DST: variants seen among roughly 807,000 people sequenced by gnomAD.
The protein encoded by DST is dystonin.
Under a neutral mutation model 875.2 loss-of-function variants are expected in DST, and 253 were observed. The observed-to-expected ratio is 0.29, with a 90% CI of 0.26 to 0.32. DST has a LOEUF of 0.32. Ranked by LOEUF, DST falls within the 10% of genes least tolerant of loss-of-function variation. The pLI is 1.00. For missense variants in DST, 8,287 were observed against 9,111.6 expected (o/e 0.91, Z 3.68); for synonymous variants, 3,124 against 3,197.1 (o/e 0.98, Z 0.77).
In DST at chr6:56,605,824, C is replaced by T. The variant is rs879102427; in HGVS notation, c.8804G>A (p.Gly2935Asp). Residue 2935 changes from glycine to aspartate, a missense_variant, in exon 40 of 104, where the codon GGC becomes GAC. Gly to Asp is a moderately conservative substitution (Grantham distance 94, BLOSUM62 -1). Coordinates refer to ENST00000680361, the MANE Select transcript of DST (RefSeq NM_001374736.1). ...ATTATCATGTGAAATACTTGCAGGGCCAAAAGTTTTTTCAGATTCAGTGTC... is the reference window on the plus strand; with the variant it reads ...ATTATCATGTGAAATACTTGCAGGGTCAAAAGTTTTTTCAGATTCAGTGTC... ...IKDTESEKTF[G>D]PASISHDNNN... 2 of 1,612,308 alleles carry T rather than the reference C, an allele frequency of 1.2e-6. No homozygotes were observed. Among genetic ancestry groups the T allele is most frequent in the Middle Eastern group, 1.7e-4 (1 of 6,048 alleles).
At chr6:56,525,022 T>C (rs2096772839) in intron 69 of DST, among the ~76,000 whole-genome samples, 1 of 152,118 alleles carries the variant, frequency 6.6e-6, no homozygotes, top group Non-Finnish European at 1.5e-5. Flanking sequence ...TTGAAGAACC[T>C]GGCCACAGTT....
At position 56,797,483 on chromosome 6, in the gene DST, C is replaced by A. The variant is rs149438750; in HGVS notation, c.625+53914G>T. The stretch of plus-strand genomic sequence containing the variant: ...AACGGGCCAAAAGCAAGGCCTCTTG[C>A]TCCAAATAACTAGCCAAGTTGTAAA... On this transcript the variant is annotated intron_variant, in intron 4 of 103. Transcript: ENST00000680361. Among the ~76,000 whole-genome samples the A allele has an allele frequency of 6.7e-3, 1,023 of 152,266 alleles. 33 individuals are homozygous for A. The highest frequency in any genetic ancestry group is 0.056 in the Admixed American group (860 of 15,290).
intron 3 of DST, among the ~76,000 whole-genome samples, chr6:56,894,972 A>G (rs1407757579): frequency 4.7e-4 from 35 of 74,870 alleles, no homozygotes; most frequent in East Asian, 7.8e-4. Flanking sequence ...GCGGCTGGCC[A>G]GGCGGGGGGC....
intron 68 of DST, among the ~76,000 whole-genome samples, chr6:56,527,148 C>A (rs62412508): frequency 1.3e-5 from 2 of 152,242 alleles, no homozygotes; most frequent in South Asian, 4.1e-4. Context: ...AGAAAACCCA[C>A]CCCATGTTAT....
In DST at chr6:56,627,946, A is replaced by G; in HGVS notation, c.4638+53T>C. 3.9e-6 allele frequency: 6 copies of G among 1,524,958 alleles called. No individual in the cohort carries two copies. The East Asian group carries it at 1.1e-4, about 29-fold the overall frequency. 94.5% of individuals were successfully genotyped at this position (1,524,958 alleles called of 1,614,324 possible). A position where few individuals can be genotyped will look rare whatever the true frequency, so the allele number is the denominator to read the frequency against. ...AACATAGGAAAGGAAGATGAGGAGC[A>G]TGACTGACCAAATGCAGACATAACC... is the stretch of plus-strand genomic sequence containing the variant. On this transcript the variant is annotated intron_variant, in intron 33 of 103. Coordinates refer to ENST00000680361, the MANE Select transcript of DST (RefSeq NM_001374736.1).
intron 101 of DST, among the ~76,000 whole-genome samples, 164 bp from the exon 102 acceptor site, chr6:56,463,320 G>A (rs1046964327): frequency 3.3e-5 from 5 of 152,098 alleles, no homozygotes; most frequent in Admixed American, 6.6e-5. Context: ...AAAAATGAAT[G>A]AAGCTTTAAA....
At chr6:56,615,197 T>G (rs909061008) in intron 36 of DST, 25 of 1,158,972 alleles carry the variant, frequency 2.2e-5, no homozygotes, top group Admixed American at 1.7e-4. Context: ...TGAAGGGGAG[T>G]TCTGAAGAAA....
intron 4 of DST, among the ~76,000 whole-genome samples, chr6:56,783,107 GTT>G (rs2099697607): frequency 6.6e-6 from 1 of 152,066 alleles, no homozygotes; most frequent in Non-Finnish European, 1.5e-5. Flanking sequence ...TATAATTTCT[GTT>G]CTTTTACATT....
Position 56,492,842 on chromosome 6 carries a change from T to C in DST, c.20550+92A>G, listed in dbSNP as rs1583030963. 7.1e-6 allele frequency: 8 copies of C among 1,123,558 alleles called. No homozygotes were observed. In the East Asian group the frequency reaches 1.9e-4, roughly 27 times the overall value. 69.6% of individuals were successfully genotyped at this position (1,123,558 alleles called of 1,614,324 possible). ...AGCCAAGATCACACCACCACAGTCC[T>C]GGACGACAGAGGAGTGAGACTCAGT... On this transcript the variant is annotated intron_variant, in intron 84 of 103. Coordinates refer to ENST00000680361, the MANE Select transcript of DST (RefSeq NM_001374736.1).
At chr6:56,602,755 A>C in intron 43 of DST, 127 bp downstream of exon 43, 2 of 647,714 alleles carry the variant, frequency 3.1e-6, no homozygotes, top group Non-Finnish European at 4.7e-6. Context: ...GAATAAAGAC[A>C]TCTCTAGAGA....
At chr6:56,682,316 G>A (rs1477491049) in intron 9 of DST, among the ~76,000 whole-genome samples, 1 of 152,052 alleles carries the variant, frequency 6.6e-6, no homozygotes, top group African/African-American at 2.4e-5. Flanking sequence ...GGGATTACAG[G>A]CATGAGGCAC....
At chr6:56,624,316 A>AT in intron 36 of DST, 2 of 649,664 alleles carry the variant, frequency 3.1e-6, no homozygotes, top group South Asian at 3.6e-5. Flanking sequence ...ATGAAGTGAA[A>AT]TGACTTTCTA....
chr6:56,764,852 G>T (rs2099628801), intron 4 of DST, among the ~76,000 whole-genome samples: 1 of 152,022 alleles, frequency 6.6e-6, no homozygotes, highest in South Asian at 2.1e-4. Flanking sequence ...AGCTACTCGG[G>T]AGGCTGAGGC....
At chr6:56,842,393 T>C (rs1283655664) in intron 4 of DST, among the ~76,000 whole-genome samples, 1 of 152,202 alleles carries the variant, frequency 6.6e-6, no homozygotes, top group African/African-American at 2.4e-5. Context: ...TTCATCATTA[T>C]ATTCAACTAT....
Position 56,893,360 on chromosome 6 carries a change from TCCATCGTATAGATA to T in DST, c.417+7047_417+7060del, listed in dbSNP as rs1480287682. Reference sequence around the variant, plus strand: ...ATTCCTTTTTATGGCTGAGTAGTATTCCATCGTATAGATACACCACAGTTTCTTTATCCACTCGT... The same window carrying T: ...ATTCCTTTTTATGGCTGAGTAGTATTCACCACAGTTTCTTTATCCACTCGT... On this transcript the variant is annotated intron_variant, in intron 3 of 103. Coordinates refer to ENST00000680361, the MANE Select transcript of DST (RefSeq NM_001374736.1). 2.2e-4 allele frequency among the ~76,000 whole-genome samples: 33 copies of T among 152,304 alleles called. 1 individual carries two copies. The highest frequency in any genetic ancestry group is 1.6e-3 in the Admixed American group (24 of 15,290).
chr6:56,906,707 TAG>T (rs377054945), intron 2 of DST, among the ~76,000 whole-genome samples: 3 of 152,030 alleles, frequency 2.0e-5, no homozygotes, highest in Non-Finnish European at 4.4e-5. Flanking sequence ...TCTCTCTCAC[TAG>T]AGAGAGAGAT....
intron 10 of DST, among the ~76,000 whole-genome samples, chr6:56,666,549 A>T (rs1315685765): frequency 6.6e-6 from 1 of 152,088 alleles, no homozygotes; most frequent in African/African-American, 2.4e-5. Flanking sequence ...ACCAACAGAA[A>T]CCAAACCCAC....
intron 4 of DST, among the ~76,000 whole-genome samples, chr6:56,806,797 T>C (rs770886247): frequency 6.6e-6 from 1 of 152,118 alleles, no homozygotes; most frequent in Non-Finnish European, 1.5e-5. Flanking sequence ...TCAATTCACT[T>C]AACCCTTAGA....
At chr6:56,900,342 A>T in intron 3 of DST, 79 bp downstream of exon 3, 1 of 1,159,914 alleles carries the variant, frequency 8.6e-7, no homozygotes, top group Non-Finnish European at 1.2e-6. Context: ...TTAATCTGAT[A>T]ATGTTTTTAA....
Sources: gnomAD v4.1 joint callset for allele counts (sites outside exome capture counted in the v4.1 genomes callset) on GRCh38, gnomAD v4.1.1 for gene constraint, MANE v1.5 for transcripts, NCBI Gene and HGNC (gene_info 2026-07-23, HGNC 2026-07-21) for gene names.